Variants in MGAT4C observed in about 807,000 individuals in gnomAD.
MGAT4C encodes MGAT4 family member C, also known as alpha-1,3-mannosyl-glycoprotein 4-beta-N-acetylglucosaminyltransferase C.
A neutral mutation model predicts 40.1 loss-of-function variants in MGAT4C; 19 were observed. That is an observed-to-expected ratio of 0.47 (90% CI 0.33 to 0.70). MGAT4C has a LOEUF of 0.70. Ranked by LOEUF, MGAT4C falls within the 30% of genes least tolerant of loss-of-function variation. The probability of loss-of-function intolerance (pLI) is 0.02; values close to 1 mark genes in which losing one functional copy is unlikely to be tolerated. For synonymous variants in MGAT4C, 181 were observed against 187.1 expected (o/e 0.97, Z 0.27); for missense variants, 491 against 563.2 (o/e 0.87, Z 1.30).
chr12:86,833,377 G>T (rs937594629), intron 1 of MGAT4C, among the ~76,000 whole-genome samples: 1 of 152,038 alleles, frequency 6.6e-6, no homozygotes, highest in Admixed American at 6.6e-5. Flanking sequence ...TGCTAGGACG[G>T]CCATAACAAT....
intron 2 of MGAT4C, among the ~76,000 whole-genome samples, chr12:86,497,893 A>ATAT (rs1958267296): frequency 1.5e-5 from 2 of 133,894 alleles, no homozygotes; most frequent in Non-Finnish European, 1.6e-5. Flanking sequence ...GAAATTCCTA[A>ATAT]ATATATATAT....
intron 1 of MGAT4C, among the ~76,000 whole-genome samples, chr12:86,772,894 A>T (rs1452690437): frequency 6.6e-6 from 1 of 152,112 alleles, no homozygotes; most frequent in African/African-American, 2.4e-5. Context: ...TCATACCTGG[A>T]GTCTCACCCA....
chr12:86,415,235 T>G (rs547051398), intron 3 of MGAT4C, among the ~76,000 whole-genome samples: 1 of 152,164 alleles, frequency 6.6e-6, no homozygotes, highest in African/African-American at 2.4e-5. Context: ...TTAAGTCAAT[T>G]ACAGGTGTTC....
At chr12:86,825,835 T>C (rs1444316663) in intron 1 of MGAT4C, among the ~76,000 whole-genome samples, 1 of 151,160 alleles carries the variant, frequency 6.6e-6, no homozygotes. Context: ...TATTTGGAGG[T>C]GAAATAAAAA....
intron 2 of MGAT4C, among the ~76,000 whole-genome samples, chr12:86,043,695 T>C (rs541311073): frequency 1.6e-4 from 24 of 152,336 alleles, no homozygotes; most frequent in African/African-American, 5.5e-4. Flanking sequence ...ATATTAACCA[T>C]CACATCCTCC....
At position 86,171,293 on chromosome 12, in the gene MGAT4C, C is replaced by T. The variant is rs1002452604; in HGVS notation, c.-57+84946G>A. Among the ~76,000 whole-genome samples, 5 of 152,094 alleles carry T rather than the reference C, an allele frequency of 3.3e-5. No individual in the cohort carries two copies. In the East Asian group the frequency reaches 9.7e-4, roughly 29 times the overall value. ...CTGAGGCAGGAGAATCGCTTGAACC[C>T]AGGAGGCAGAGGTTGCGGTGAGCTG... On this transcript the variant is annotated intron_variant, in intron 1 of 4. Coordinates refer to ENST00000611864, the MANE Select transcript of MGAT4C (RefSeq NM_001351288.2).
At chr12:86,825,086 T>C (rs760510610) in intron 1 of MGAT4C, among the ~76,000 whole-genome samples, 29 of 151,346 alleles carry the variant, frequency 1.9e-4, no homozygotes, top group Non-Finnish European at 3.7e-4. Flanking sequence ...CATTTATCTG[T>C]AGATGTAAGA....
intron 2 of MGAT4C, chr12:86,013,574 T>C (rs986950950): frequency 1.5e-5 from 3 of 205,804 alleles, no homozygotes; most frequent in African/African-American, 7.1e-5. Context: ...GTGGCATATA[T>C]TCCTATACAT....
At position 86,569,424 on chromosome 12, in the gene MGAT4C, A is replaced by G. The variant is rs535001186; in HGVS notation, c.-228-134159T>C. ...AAATTGTCAATGGGTATATTTAAAAAGTTTGACATCACTTATCATCAGAGA... is the reference window on the plus strand; with the variant it reads ...AAATTGTCAATGGGTATATTTAAAAGGTTTGACATCACTTATCATCAGAGA... On this transcript the variant is annotated intron_variant, in intron 2 of 7. Coordinates refer to the MGAT4C transcript ENST00000548651. 4.6e-5 allele frequency among the ~76,000 whole-genome samples: 7 copies of G among 152,258 alleles called. No homozygotes were observed. In the South Asian group the frequency reaches 1.4e-3, roughly 32 times the overall value.
chr12:86,636,267 G>A (rs942988587), intron 2 of MGAT4C, among the ~76,000 whole-genome samples: 2 of 152,004 alleles, frequency 1.3e-5, no homozygotes, highest in Non-Finnish European at 2.9e-5. Context: ...TTCTTGGCTT[G>A]TGTTTTTGTA....
At chr12:86,154,297 C>T (rs1046834301) in intron 1 of MGAT4C, among the ~76,000 whole-genome samples, 5 of 152,038 alleles carry the variant, frequency 3.3e-5, no homozygotes, top group African/African-American at 9.7e-5. Flanking sequence ...CAGAACAGCC[C>T]GGGCTTTGTT....
chr12:86,326,377 A>G (rs2405932), intron 4 of MGAT4C, among the ~76,000 whole-genome samples: 134,956 of 151,686 alleles, frequency 0.89, 60,233 homozygotes, highest in East Asian at 1. Flanking sequence ...GCTTGATTGT[A>G]TTGTTCATTT....
intron 1 of MGAT4C, among the ~76,000 whole-genome samples, chr12:86,733,542 T>C (rs1186750046): frequency 2.6e-5 from 4 of 152,110 alleles, no homozygotes; most frequent in Admixed American, 6.6e-5. Context: ...GTGTAAAATG[T>C]ATGTCAAGAA....
chr12:86,210,566 A>G (rs1397159151), intron 1 of MGAT4C, among the ~76,000 whole-genome samples: 1 of 152,212 alleles, frequency 6.6e-6, no homozygotes, highest in Non-Finnish European at 1.5e-5. Flanking sequence ...ATGGCTTCCA[A>G]TTAGAAATCA....
chr12:86,700,096 GAT>G (rs1950331733), intron 2 of MGAT4C, among the ~76,000 whole-genome samples: 2 of 114,130 alleles, frequency 1.8e-5, no homozygotes, highest in African/African-American at 6.1e-5. Flanking sequence ...ATAGATGATA[GAT>G]AGATAGATGA....
chr12:86,581,782 TA>T (rs1960788324), intron 2 of MGAT4C, among the ~76,000 whole-genome samples: 1 of 151,458 alleles, frequency 6.6e-6, no homozygotes, highest in Non-Finnish European at 1.5e-5. Flanking sequence ...CACTCTTATC[TA>T]ATCTCAGTTC....
chr12:85,985,695 T>G (rs915353417), intron 3 of MGAT4C, among the ~76,000 whole-genome samples: 2 of 152,168 alleles, frequency 1.3e-5, no homozygotes, highest in African/African-American at 4.8e-5. Context: ...ATCCACTGAA[T>G]TCTGATGATT....
chr12:86,664,706 A>G (rs538262241), intron 2 of MGAT4C, among the ~76,000 whole-genome samples: 2 of 152,314 alleles, frequency 1.3e-5, no homozygotes, highest in South Asian at 4.1e-4. Context: ...ATTAACCTAA[A>G]GAAGATTAAA....
intron 2 of MGAT4C, among the ~76,000 whole-genome samples, chr12:86,499,533 C>CA (rs1281066066): frequency 6.6e-6 from 1 of 151,736 alleles, no homozygotes; most frequent in African/African-American, 2.4e-5. Flanking sequence ...GAATCACTCT[C>CA]AATCGTCTCT....
Sources: allele counts gnomAD v4.1 joint callset (sites outside exome capture counted in the v4.1 genomes callset), GRCh38; gene constraint gnomAD v4.1.1; transcripts MANE v1.5; gene names NCBI Gene and HGNC (gene_info 2026-07-23, HGNC 2026-07-21).